SPIRE1: variants seen among roughly 807,000 people sequenced by gnomAD.
SPIRE1 encodes the protein spire type actin nucleation factor 1, also known as protein spire homolog 1.
SPIRE1 carries 40 observed loss-of-function variants against 94.1 expected under a neutral mutation model. The ratio of observed to expected loss-of-function variants is 0.43; its 90% CI spans 0.33 to 0.55. The LOEUF is 0.55. Ranked by LOEUF, SPIRE1 falls within the 20% of genes least tolerant of loss-of-function variation. The probability of loss-of-function intolerance (pLI) is 0.06; values close to 1 mark genes in which losing one functional copy is unlikely to be tolerated. For missense variants in SPIRE1, 838 were observed against 975.2 expected, an observed-to-expected ratio of 0.86 and a Z score of 1.87; for synonymous variants, 376 against 371.7, an observed-to-expected ratio of 1.01 and a Z score of -0.13.
At chr18:12,504,482 C>T (rs954843714) in intron 6 of SPIRE1, among the ~76,000 whole-genome samples, 4 of 151,886 alleles carry the variant, frequency 2.6e-5, no homozygotes, top group Non-Finnish European at 2.9e-5. Context: ...ACTTCAGCCT[C>T]GGCAAAAAGA....
intron 4 of SPIRE1, among the ~76,000 whole-genome samples, chr18:12,533,258 TC>T (rs1408799046): frequency 6.6e-6 from 1 of 152,190 alleles, no homozygotes; most frequent in Non-Finnish European, 1.5e-5. Flanking sequence ...GGGCCCAACC[TC>T]GGTCAGCCTG....
At chr18:12,631,529 T>C (rs11664068) in intron 2 of SPIRE1, among the ~76,000 whole-genome samples, 21,244 of 66,406 alleles carry the variant, frequency 0.32, 2,072 homozygotes, top group Middle Eastern at 0.46. Flanking sequence ...CTGGGCAACA[T>C]AGCAAAACCC....
chr18:12,451,026 GGGA>G (rs532972302), intron 16 of SPIRE1: 1,792 of 521,654 alleles, frequency 3.4e-3, no homozygotes, highest in South Asian at 4.7e-3. Context: ...GAAGAAGGAG[GGGA>G]GGAGGAGGAG....
intron 5 of SPIRE1, among the ~76,000 whole-genome samples, chr18:12,507,369 A>C (rs186481216): frequency 6.6e-6 from 1 of 152,310 alleles, no homozygotes; most frequent in African/African-American, 2.4e-5. Flanking sequence ...CTTGTTGAGA[A>C]GATCAGAATC....
intron 2 of SPIRE1, among the ~76,000 whole-genome samples, chr18:12,577,843 T>G (rs2036151527): frequency 6.6e-6 from 1 of 152,058 alleles, no homozygotes. Flanking sequence ...CTAGAATGTA[T>G]TTTTTAAAAA....
In SPIRE1 at chr18:12,614,445, A is replaced by G. The variant is rs79832196; in HGVS notation, c.372+20617T>C. On this transcript the variant is annotated intron_variant, in intron 2 of 16. Coordinates refer to ENST00000409402, the MANE Select transcript of SPIRE1 (RefSeq NM_001128626.2). ...ACAAAATAGCTCCTTCCTCCCTGCA[A>G]GAAACTCTTTCCCTGGTTTTTATTT... 9.4e-3 allele frequency among the ~76,000 whole-genome samples: 1,432 copies of G among 152,278 alleles called. 29 individuals are homozygous for G. Among genetic ancestry groups the G allele is most frequent in the African/African-American group, 0.032 (1,321 of 41,566 alleles).
At position 12,517,680 on chromosome 18, in the gene SPIRE1, C is replaced by T. The variant is rs144765577; in HGVS notation, c.730-5149G>A. On this transcript the variant is annotated intron_variant, in intron 4 of 16. Transcript: ENST00000409402. ...ATTCTCAAGCTGGCAATTAGAACTG[C>T]TCAATGCCAACATTTTCAGTTCCTG... Among the ~76,000 whole-genome samples the T allele has an allele frequency of 3.3e-3, 502 of 152,228 alleles. 2 individuals are homozygous for T. Among genetic ancestry groups the T allele is most frequent in the African/African-American group, 0.011 (476 of 41,562 alleles).
chr18:12,508,389 C>T (rs1302524108), intron 5 of SPIRE1, among the ~76,000 whole-genome samples: 1 of 152,112 alleles, frequency 6.6e-6, no homozygotes, highest in Non-Finnish European at 1.5e-5. Context: ...ATTTGAGGTA[C>T]TTATGGTGTA....
intron 7 of SPIRE1, among the ~76,000 whole-genome samples, chr18:12,494,892 AC>A (rs976054123): frequency 2.1e-5 from 3 of 143,658 alleles, no homozygotes; most frequent in African/African-American, 5.2e-5. Flanking sequence ...TACTGAAAAT[AC>A]AAAAAAATTA....
intron 2 of SPIRE1, among the ~76,000 whole-genome samples, chr18:12,567,934 T>C (rs1232533825): frequency 6.6e-6 from 1 of 152,236 alleles, no homozygotes; most frequent in Non-Finnish European, 1.5e-5. Context: ...TTGGTCTTTG[T>C]GAGTTGGACT....
intron 8 of SPIRE1, among the ~76,000 whole-genome samples, chr18:12,491,503 T>C (rs1276685700): frequency 6.6e-6 from 1 of 152,090 alleles, no homozygotes. Flanking sequence ...GATCTTTTTT[T>C]TTTCTTTCTT....
rs561848271 is a variant in SPIRE1, at chr18:12,509,978, A to G, written c.807+2476T>C. 3.8e-4 allele frequency among the ~76,000 whole-genome samples: 57 copies of G among 151,860 alleles called. No homozygotes were observed. The East Asian group carries it at 6.6e-3, about 18-fold the overall frequency. On this transcript the variant is annotated intron_variant, in intron 5 of 16. Transcript: ENST00000409402. Reference sequence around the variant, plus strand: ...TGCGCACCTGTAATCCCAGCTACTCAGGAGGCTGAGGCAGGAGAATTGCTT... The same window carrying G: ...TGCGCACCTGTAATCCCAGCTACTCGGGAGGCTGAGGCAGGAGAATTGCTT...
intron 2 of SPIRE1, among the ~76,000 whole-genome samples, chr18:12,609,626 A>G (rs751512214): frequency 1.3e-5 from 2 of 152,170 alleles, no homozygotes; most frequent in African/African-American, 2.4e-5. Flanking sequence ...TTCTGTCTGC[A>G]AGAGTCAAAA....
At chr18:12,461,714 A>G (rs2031872380) in intron 12 of SPIRE1, among the ~76,000 whole-genome samples, 1 of 152,012 alleles carries the variant, frequency 6.6e-6, no homozygotes, top group African/African-American at 2.4e-5. Context: ...TGTGGCATCA[A>G]ACTCCTAGGC....
At chr18:12,602,659 G>A (rs1680602910) in intron 2 of SPIRE1, among the ~76,000 whole-genome samples, 1 of 152,218 alleles carries the variant, frequency 6.6e-6, no homozygotes, top group Non-Finnish European at 1.5e-5. Context: ...CTATCCAGAA[G>A]CAGCCAGGAG....
At chr18:12,628,793 T>C (rs762542765) in intron 2 of SPIRE1, among the ~76,000 whole-genome samples, 2 of 152,196 alleles carry the variant, frequency 1.3e-5, no homozygotes, top group Non-Finnish European at 2.9e-5. Context: ...TTCCTAGGTA[T>C]TTTATTCTCT....
chr18:12,548,391 C>T (rs780849162), intron 2 of SPIRE1, among the ~76,000 whole-genome samples: 3 of 152,144 alleles, frequency 2.0e-5, no homozygotes, highest in Non-Finnish European at 2.9e-5. Context: ...AAATTCTCTA[C>T]AAAAATTCAA....
chr18:12,488,937 G>A (rs1264831597), intron 8 of SPIRE1, among the ~76,000 whole-genome samples: 1 of 152,154 alleles, frequency 6.6e-6, no homozygotes, highest in Non-Finnish European at 1.5e-5. Flanking sequence ...TGTAATCCCA[G>A]CACTTTCGGA....
At chr18:12,620,100 G>C (rs889137426) in intron 2 of SPIRE1, among the ~76,000 whole-genome samples, 2 of 152,066 alleles carry the variant, frequency 1.3e-5, no homozygotes, top group African/African-American at 4.8e-5. Flanking sequence ...GACACCTTGA[G>C]CCAGGAGTTC....
Sources: allele counts gnomAD v4.1 joint callset (sites outside exome capture counted in the v4.1 genomes callset), GRCh38; gene constraint gnomAD v4.1.1; transcripts MANE v1.5; gene names NCBI Gene and HGNC (gene_info 2026-07-23, HGNC 2026-07-21).